The following ADGRV1 variants were observed in gnomAD, a reference collection of about 807,000 sequenced individuals.
ADGRV1 encodes the protein G-protein coupled receptor 98.
ADGRV1 carries 359 observed loss-of-function variants against 596.2 expected under a neutral mutation model. That is an observed-to-expected ratio of 0.60 (90% confidence interval 0.55 to 0.66). The LOEUF (loss-of-function observed/expected upper bound fraction) is 0.66. Ranked by LOEUF, ADGRV1 falls within the 30% of genes least tolerant of loss-of-function variation. The pLI is 0.00. For missense variants in ADGRV1, 7,274 were observed against 7,575.6 expected (o/e 0.96, Z 1.48); for synonymous variants, 2,681 against 2,679.2 (o/e 1.00, Z -0.02).
chr5:90,629,529 T>G lies in ADGRV1; in HGVS notation c.1829T>G (p.Phe610Cys). Residue 610 changes from phenylalanine (F) to cysteine (C), a missense_variant, in exon 9 of 90, where the codon TTT becomes TGT. By Grantham distance (205) the Phe-to-Cys change is radical. Transcript: ENST00000405460. ...GCATTCCTTCAAAATGGAGCTCACT[T>G]TCTAGTACAGGTACTTGTATGATTA... ...NDAFLQNGAHFLVQLETVELL... is the reference protein window; with the variant it reads ...NDAFLQNGAHCLVQLETVELL... 6.2e-7 allele frequency: 1 copy of G among 1,607,218 alleles called. No individual in the cohort carries two copies. Among genetic ancestry groups the G allele is most frequent in the Non-Finnish European group, 8.5e-7 (1 of 1,175,680 alleles).
At chr5:90,616,920 C>G (rs1479605909) in intron 2 of ADGRV1, among the ~76,000 whole-genome samples, 1 of 152,206 alleles carries the variant, frequency 6.6e-6, no homozygotes, top group African/African-American at 2.4e-5. Context: ...CTGGTAACCA[C>G]CATTCTACTC....
At chr5:90,672,795 C>A in intron 22 of ADGRV1, 73 bp downstream of exon 22, 1 of 1,145,718 alleles carries the variant, frequency 8.7e-7, no homozygotes, top group African/African-American at 1.5e-5. Flanking sequence ...TCTGTAATTT[C>A]TTTGCAGCTT....
At chr5:90,825,894 A>G (rs929864274) in intron 76 of ADGRV1, 3 of 152,214 alleles carry the variant, frequency 2.0e-5, no homozygotes, top group Admixed American at 2.0e-4. Flanking sequence ...TTTCTCTTTC[A>G]CATATGATAT....
At chr5:90,963,677 G>T (rs1778212164) in intron 83 of ADGRV1, among the ~76,000 whole-genome samples, 2 of 151,268 alleles carry the variant, frequency 1.3e-5, no homozygotes, top group Admixed American at 1.3e-4. Context: ...GAGTAGAAAG[G>T]GACTTTGGAG....
At chr5:90,615,271 T>G (rs1318116075) in intron 2 of ADGRV1, among the ~76,000 whole-genome samples, 1 of 151,962 alleles carries the variant, frequency 6.6e-6, no homozygotes, top group Non-Finnish European at 1.5e-5. Flanking sequence ...ATATATTTAT[T>G]TTAGAACAAG....
At chr5:90,959,123 C>G (rs566728472) in intron 83 of ADGRV1, among the ~76,000 whole-genome samples, 2 of 152,134 alleles carry the variant, frequency 1.3e-5, no homozygotes, top group Non-Finnish European at 2.9e-5. Flanking sequence ...AACAGCTCCT[C>G]AAACTAATGT....
intron 50 of ADGRV1, among the ~76,000 whole-genome samples, chr5:90,740,963 C>G (rs1279574688): frequency 6.6e-6 from 1 of 152,172 alleles, no homozygotes; most frequent in African/African-American, 2.4e-5. Flanking sequence ...AGCCTCACTC[C>G]CATGTTCTGG....
chr5:90,995,578 G>A (rs924385424), intron 85 of ADGRV1, among the ~76,000 whole-genome samples: 1 of 152,152 alleles, frequency 6.6e-6, no homozygotes, highest in Non-Finnish European at 1.5e-5. Flanking sequence ...ATTGGTACCT[G>A]GAGTGGGGCA....
chr5:90,837,498 G>A (rs1459799149), intron 77 of ADGRV1, among the ~76,000 whole-genome samples: 3 of 151,450 alleles, frequency 2.0e-5, no homozygotes, highest in Non-Finnish European at 4.4e-5. Context: ...AGTCTCTCGA[G>A]TAACTGCGAT....
At chr5:91,098,146 T>G (rs912635976) in intron 86 of ADGRV1, among the ~76,000 whole-genome samples, 3 of 152,210 alleles carry the variant, frequency 2.0e-5, no homozygotes, top group Non-Finnish European at 2.9e-5. Context: ...AGAGAAGTTA[T>G]TAGTAGTTCA....
Position 90,653,793 on chromosome 5 carries a change from GCT to G in ADGRV1, c.4220_4221del (p.Ala1407AspfsTer52). 6.2e-7 allele frequency: 1 copy of G among 1,613,502 alleles called. No homozygotes were observed. Among genetic ancestry groups the G allele is most frequent in the African/African-American group, 1.3e-5 (1 of 75,036 alleles). On this transcript the variant is annotated frameshift_variant, in exon 20 of 90. Coordinates refer to ENST00000405460, the MANE Select transcript of ADGRV1 (RefSeq NM_032119.4). LOFTEE classifies it high-confidence loss of function. ...TCATTATAAAACCTTGGGTTCCAATGCTACATACATTGCCAAGACAACAGTCA... is the reference window on the plus strand; with the variant it reads ...TCATTATAAAACCTTGGGTTCCAATGACATACATTGCCAAGACAACAGTCA... ...SLHYKTLGSN[A>X]TYIAKTTVMK... is the part of the protein sequence containing the mutation.
intron 53 of ADGRV1, among the ~76,000 whole-genome samples, chr5:90,752,853 GCCTTTT>G (rs1725338937): frequency 6.6e-6 from 1 of 152,126 alleles, no homozygotes; most frequent in African/African-American, 2.4e-5. Flanking sequence ...ATTCTCCATT[GCCTTTT>G]CCAGGTGGAA....
rs769585650 is a variant in ADGRV1 at position 90,755,007 on chromosome 5, A to C, written c.11402A>C (p.Gln3801Pro). Reference protein sequence around the residue: ...PKENTTTLQLQIARDKGLLGD... With the variant: ...PKENTTTLQLPIARDKGLLGD... ...GAAAACACCACCACTCTTCAGTTAC[A>C]AATAGCTCGAGATAAAGGACTACTT... is the stretch of plus-strand genomic sequence containing the variant. Residue 3801 changes from glutamine (Q) to proline (P), a missense_variant, in exon 55 of 90, where the codon CAA becomes CCA. Physicochemically the swap from Gln to Pro is moderately conservative, Grantham distance 76. Around this residue, in one of 5 missense-constraint regions of ADGRV1, gnomAD observed 3,643 missense variants for 3,809.2 expected, o/e 0.96. Coordinates refer to ENST00000405460, the MANE Select transcript of ADGRV1 (RefSeq NM_032119.4). The C allele has an allele frequency of 6.2e-7, 1 of 1,613,098 alleles. No individual in the cohort carries two copies. The highest frequency in any genetic ancestry group is 1.7e-5 in the Admixed American group (1 of 59,986).
Position 90,703,707 on chromosome 5 carries a change from G to A in ADGRV1, c.8198G>A (p.Arg2733Gln), listed in dbSNP as rs749383906. The stretch of plus-strand genomic sequence containing the variant: ...CATGTGATAAGAACTTTCCCTGGTC[G>A]AGGAAATGTTACTGTTAACTGGAAA... Reference protein sequence around the residue: ...QFHVIRTFPGRGNVTVNWKII... With the variant: ...QFHVIRTFPGQGNVTVNWKII... The change falls in exon 35 of 90, where the codon CGA (arginine) becomes CAA (glutamine). Residue 2733 changes from arginine (R) to glutamine (Q), a missense_variant. Arg to Gln is a conservative substitution (Grantham distance 43, BLOSUM62 1). Transcript: ENST00000405460. The A allele has an allele frequency of 7.5e-6, 12 of 1,605,108 alleles. No homozygotes were observed. The highest frequency in any genetic ancestry group is 4.5e-5 in the South Asian group (4 of 89,674).
intron 85 of ADGRV1, among the ~76,000 whole-genome samples, chr5:91,061,241 C>T (rs1787406058): frequency 6.6e-6 from 1 of 152,154 alleles, no homozygotes; most frequent in Non-Finnish European, 1.5e-5. Flanking sequence ...ACAAGTCAGC[C>T]TGACCTTATT....
intron 16 of ADGRV1, among the ~76,000 whole-genome samples, chr5:90,646,434 C>G (rs928250790): frequency 1.5e-4 from 22 of 151,366 alleles, no homozygotes; most frequent in Admixed American, 5.3e-4. Flanking sequence ...AAACACTTCT[C>G]CATGTGATTT....
rs746315308 is a variant in ADGRV1, at chr5:90,712,406, A to G, written c.9162A>G (p.Leu3054=). The part of the protein sequence containing the change: ...QLILTNPSPG[L]ELGKNTIALI... ...TTTTAACAAATCCTTCTCCTGGACTAGAGCTAGGGAAAAATACAATAGGTA... is the reference window on the plus strand; with the variant it reads ...TTTTAACAAATCCTTCTCCTGGACTGGAGCTAGGGAAAAATACAATAGGTA... The change falls in exon 42 of 90, where the codon CTA becomes CTG. Residue 3054 remains leucine (L), a synonymous_variant. Transcript: ENST00000405460. The G allele has an allele frequency of 1.9e-6, 3 of 1,589,908 alleles. No homozygotes were observed. The highest frequency in any genetic ancestry group is 1.3e-5 in the African/African-American group (1 of 74,714).
At chr5:90,941,006 C>T (rs538659642) in intron 83 of ADGRV1, among the ~76,000 whole-genome samples, 37 of 151,986 alleles carry the variant, frequency 2.4e-4, no homozygotes, top group African/African-American at 4.6e-4. Flanking sequence ...TGCTTTTTTC[C>T]CCCCTCCCAT....
At chr5:90,780,880 A>G (rs1180455220) in intron 64 of ADGRV1, among the ~76,000 whole-genome samples, 1 of 152,114 alleles carries the variant, frequency 6.6e-6, no homozygotes, top group Non-Finnish European at 1.5e-5. Context: ...TTTTAAAATT[A>G]GTTTTTAGTA....
Sources: allele counts gnomAD v4.1 joint callset (sites outside exome capture counted in the v4.1 genomes callset), GRCh38; gene constraint gnomAD v4.1.1; regional missense constraint gnomAD v4.1.1; transcripts MANE v1.5; gene names NCBI Gene and HGNC (gene_info 2026-07-23, HGNC 2026-07-21).